The following CDH13 variants were observed in gnomAD, a reference collection of about 807,000 sequenced individuals.
CDH13 encodes cadherin-13.
CDH13 carries 24 observed loss-of-function variants against 63.8 expected under a neutral mutation model. The ratio of observed to expected loss-of-function variants is 0.38; its 90% confidence interval spans 0.27 to 0.53. The LOEUF is 0.53. CDH13 is among the 20% of genes least tolerant of loss of function. The probability of loss-of-function intolerance (pLI) is 0.85; values close to 1 mark genes in which losing one functional copy is unlikely to be tolerated. For missense variants in CDH13, 1,049 were observed against 903.1 expected, an observed-to-expected ratio of 1.16 and a Z score of -2.07; for synonymous variants, 503 against 355.3, an observed-to-expected ratio of 1.42 and a Z score of -4.67.
intron 1 of CDH13, among the ~76,000 whole-genome samples, chr16:82,730,648 C>G (rs374781056): frequency 5.9e-5 from 9 of 152,278 alleles, no homozygotes; most frequent in South Asian, 4.1e-4. Context: ...TGAGCACATT[C>G]TGTTGGAAAA....
At chr16:83,453,814 C>G (rs1429927939) in intron 6 of CDH13, among the ~76,000 whole-genome samples, 1 of 152,208 alleles carries the variant, frequency 6.6e-6, no homozygotes, top group Non-Finnish European at 1.5e-5. Context: ...GGTTCACAGC[C>G]TCCCCAAATC....
At chr16:83,200,060 C>T (rs548575026) in intron 4 of CDH13, among the ~76,000 whole-genome samples, 19 of 152,282 alleles carry the variant, frequency 1.2e-4, no homozygotes, top group African/African-American at 3.6e-4. Context: ...CCCTGGACAG[C>T]GCCTCATTCC....
intron 2 of CDH13, among the ~76,000 whole-genome samples, chr16:82,976,437 T>C (rs1909517643): frequency 6.6e-6 from 1 of 152,220 alleles, no homozygotes; most frequent in Admixed American, 6.5e-5. Flanking sequence ...CTCCAGGCGC[T>C]TTTCCAGTTA....
intron 2 of CDH13, among the ~76,000 whole-genome samples, chr16:82,998,139 G>T (rs1912453404): frequency 6.6e-6 from 1 of 152,138 alleles, no homozygotes; most frequent in Admixed American, 6.5e-5. Flanking sequence ...ATCCACGTTT[G>T]TCTCTTGATC....
intron 3 of CDH13, among the ~76,000 whole-genome samples, chr16:83,056,689 A>C (rs2030979790): frequency 6.6e-6 from 1 of 152,148 alleles, no homozygotes; most frequent in African/African-American, 2.4e-5. Context: ...TCCAAGTCTC[A>C]TCTTGAAGTG....
chr16:83,037,303 C>G (rs916896013), intron 3 of CDH13, among the ~76,000 whole-genome samples: 12 of 152,160 alleles, frequency 7.9e-5, no homozygotes, highest in African/African-American at 2.7e-4. Flanking sequence ...CCAAGAGACT[C>G]TAACTTGAAA....
intron 4 of CDH13, among the ~76,000 whole-genome samples, chr16:83,146,408 A>G (rs1301996990): frequency 2.6e-5 from 4 of 152,178 alleles, no homozygotes; most frequent in African/African-American, 4.8e-5. Flanking sequence ...AAAGTTTACC[A>G]GTGCAGCCAT....
At chr16:83,077,181 C>CTTTTTTTTT (rs1160572033) in intron 3 of CDH13, among the ~76,000 whole-genome samples, 2 of 93,460 alleles carry the variant, frequency 2.1e-5, no homozygotes, top group Non-Finnish European at 2.1e-5. Flanking sequence ...TCTTTTTTTT[C>CTTTTTTTTT]TTTTCTTTTT....
intron 5 of CDH13, among the ~76,000 whole-genome samples, chr16:83,296,776 C>T (rs2089608545): frequency 6.6e-6 from 1 of 152,116 alleles, no homozygotes; most frequent in Non-Finnish European, 1.5e-5. Flanking sequence ...TTGTTAAGTA[C>T]AACAGCAGAT....
At chr16:83,786,354 A>C (rs10438617) in intron 13 of CDH13, among the ~76,000 whole-genome samples, 2,567 of 152,254 alleles carry the variant, frequency 0.017, 84 homozygotes, top group African/African-American at 0.058. Context: ...CGTCAGAACC[A>C]CTTAGGAAAC....
At chr16:83,281,099 A>T (rs1290615247) in intron 5 of CDH13, among the ~76,000 whole-genome samples, 1 of 152,210 alleles carries the variant, frequency 6.6e-6, no homozygotes, top group Non-Finnish European at 1.5e-5. Context: ...TCTAGCTATG[A>T]AAGTCCTACA....
intron 1 of CDH13, among the ~76,000 whole-genome samples, chr16:82,815,800 A>G (rs1371631935): frequency 6.6e-6 from 1 of 152,134 alleles, no homozygotes; most frequent in Non-Finnish European, 1.5e-5. Context: ...AATTTCAATA[A>G]TTTGAGGTTT....
intron 6 of CDH13, among the ~76,000 whole-genome samples, chr16:83,406,108 G>A (rs1395418751): frequency 6.6e-6 from 1 of 152,162 alleles, no homozygotes; most frequent in African/African-American, 2.4e-5. Context: ...GTCCTCAGAG[G>A]TGACCTCCAG....
intron 2 of CDH13, among the ~76,000 whole-genome samples, chr16:82,957,967 C>T (rs1906379468): frequency 6.6e-6 from 1 of 152,160 alleles, no homozygotes; most frequent in Non-Finnish European, 1.5e-5. Flanking sequence ...TGGAAGACGC[C>T]TCTTCACTTT....
intron 1 of CDH13, among the ~76,000 whole-genome samples, chr16:82,779,939 A>G (rs991227816): frequency 3.3e-5 from 5 of 152,196 alleles, no homozygotes; most frequent in African/African-American, 1.2e-4. Context: ...GCACATGTGT[A>G]TCATGTTACT....
chr16:83,026,592 T>C (rs536970820), intron 2 of CDH13, among the ~76,000 whole-genome samples: 2 of 152,214 alleles, frequency 1.3e-5, no homozygotes, highest in Admixed American at 6.5e-5. Flanking sequence ...TTTACAGGAA[T>C]AGTGGCAATT....
chr16:83,356,049 C>G (rs2091047232), intron 6 of CDH13, among the ~76,000 whole-genome samples: 2 of 152,182 alleles, frequency 1.3e-5, no homozygotes, highest in African/African-American at 2.4e-5. Context: ...AAACTCAGAC[C>G]TGTATGACTC....
Position 83,102,062 on chromosome 16 carries a change from G to T in CDH13, c.367-23323G>T, listed in dbSNP as rs572846570. On this transcript the variant is annotated intron_variant, in intron 3 of 13. Transcript: ENST00000567109. The stretch of plus-strand genomic sequence containing the variant: ...CTTATGAGAGGGAGGTAATGTGTCA[G>T]AGCCAGAAAGGGATTTGAAGATGCT... 2.6e-5 allele frequency among the ~76,000 whole-genome samples: 4 copies of T among 152,342 alleles called. No homozygotes were observed. In the South Asian group the frequency reaches 8.3e-4, roughly 32 times the overall value.
chr16:83,537,482 T>A (rs939487832), intron 7 of CDH13, among the ~76,000 whole-genome samples: 2 of 152,236 alleles, frequency 1.3e-5, no homozygotes, highest in Admixed American at 1.3e-4. Flanking sequence ...GTTATATGAT[T>A]GTTTAATTCT....
Sources: gnomAD v4.1 joint callset for allele counts (sites outside exome capture counted in the v4.1 genomes callset) on GRCh38, gnomAD v4.1.1 for gene constraint, MANE v1.5 for transcripts, NCBI Gene and HGNC (gene_info 2026-07-23, HGNC 2026-07-21) for gene names.